Variants in EYA4 observed in about 807,000 individuals in gnomAD.
EYA4 encodes the protein EYA transcriptional coactivator and phosphatase 4.
EYA4 carries 31 observed loss-of-function variants against 87.9 expected under a neutral mutation model. The ratio of observed to expected loss-of-function variants is 0.35; its 90% confidence interval spans 0.27 to 0.48. The LOEUF is 0.48. Ranked by LOEUF, EYA4 falls within the 20% of genes least tolerant of loss-of-function variation. The pLI is 0.99. For synonymous variants in EYA4, 263 were observed against 270.6 expected, an observed-to-expected ratio of 0.97 and a Z score of 0.28; for missense variants, 678 against 761.4, an observed-to-expected ratio of 0.89 and a Z score of 1.29.
chr6:133,492,479 A>G (rs559988852), intron 13 of EYA4, among the ~76,000 whole-genome samples: 4 of 152,336 alleles, frequency 2.6e-5, no homozygotes, highest in Non-Finnish European at 5.9e-5. Flanking sequence ...GCCATATATG[A>G]CAGACCTGCA....
chr6:133,507,881 A>G (rs1798785555), intron 14 of EYA4, among the ~76,000 whole-genome samples: 1 of 152,184 alleles, frequency 6.6e-6, no homozygotes, highest in Non-Finnish European at 1.5e-5. Context: ...TCCTTTGGGT[A>G]TATACCCAGT....
intron 2 of EYA4, among the ~76,000 whole-genome samples, chr6:133,300,233 G>C (rs1463446800): frequency 6.6e-6 from 1 of 151,736 alleles, no homozygotes; most frequent in Non-Finnish European, 1.5e-5. Context: ...AAAGAGGAGG[G>C]GTTGGTCTTG....
chr6:133,343,154 T>C (rs907253484), intron 2 of EYA4, among the ~76,000 whole-genome samples: 1 of 152,174 alleles, frequency 6.6e-6, no homozygotes, highest in African/African-American at 2.4e-5. Context: ...GGTGGGTTTC[T>C]TTACAGAAAA....
chr6:133,391,211 G>GTTTTGTTTTTGT (rs762081674), intron 3 of EYA4, among the ~76,000 whole-genome samples: 6 of 52,808 alleles, frequency 1.1e-4, no homozygotes, highest in African/African-American at 2.2e-4. Context: ...TATTTTTTGG[G>GTTTTGTTTTTGT]TTTTGTTTTT....
At chr6:133,314,037 A>G (rs750295967) in intron 2 of EYA4, among the ~76,000 whole-genome samples, 1 of 152,156 alleles carries the variant, frequency 6.6e-6, no homozygotes. Flanking sequence ...AAAAAATCTT[A>G]TTTTAAGTTG....
chr6:133,523,020 T>C (rs766604286), intron 17 of EYA4, 36 bp from the exon 18 acceptor site: 1 of 1,567,096 alleles, frequency 6.4e-7, no homozygotes, highest in Admixed American at 1.7e-5. Flanking sequence ...TATTTAGTAT[T>C]AGAAAACAAA....
intron 10 of EYA4, among the ~76,000 whole-genome samples, chr6:133,467,971 A>C (rs1794994406): frequency 6.6e-6 from 1 of 152,072 alleles, no homozygotes; most frequent in Non-Finnish European, 1.5e-5. Context: ...AGTTCACTAA[A>C]GACTTTAAAT....
intron 17 of EYA4, among the ~76,000 whole-genome samples, chr6:133,517,311 A>G (rs1298661998): frequency 2.1e-5 from 3 of 144,300 alleles, no homozygotes; most frequent in Admixed American, 6.7e-5. Flanking sequence ...AATCTGTACA[A>G]CAACCCCCCA....
chr6:133,404,262 C>G (rs748797370), intron 3 of EYA4, among the ~76,000 whole-genome samples: 2 of 152,178 alleles, frequency 1.3e-5, no homozygotes, highest in Non-Finnish European at 1.5e-5. Flanking sequence ...CATCTCTTTT[C>G]TAATGTGGAT....
intron 1 of EYA4, among the ~76,000 whole-genome samples, chr6:133,251,877 G>A (rs1011472403): frequency 1.3e-5 from 2 of 152,198 alleles, no homozygotes; most frequent in African/African-American, 2.4e-5. Context: ...TTCCAGTCAA[G>A]TGTGGAGAAT....
intron 13 of EYA4, among the ~76,000 whole-genome samples, chr6:133,500,433 T>C (rs1464165711): frequency 6.6e-6 from 1 of 152,078 alleles, no homozygotes; most frequent in African/African-American, 2.4e-5. Flanking sequence ...CCCCACTGAC[T>C]GCCTGTACCT....
At chr6:133,290,517 A>C (rs1054506158) in intron 2 of EYA4, among the ~76,000 whole-genome samples, 2 of 152,308 alleles carry the variant, frequency 1.3e-5, no homozygotes, top group South Asian at 4.1e-4. Flanking sequence ...TGAAGAAAAA[A>C]GGGGAGGAGT....
At chr6:133,392,189 G>A (rs1350254365) in intron 3 of EYA4, among the ~76,000 whole-genome samples, 2 of 152,038 alleles carry the variant, frequency 1.3e-5, no homozygotes, top group African/African-American at 4.8e-5. Context: ...CCTATTCAAG[G>A]GACCCAGTCT....
chr6:133,498,951 A>T (rs924163823), intron 13 of EYA4, among the ~76,000 whole-genome samples: 2 of 152,238 alleles, frequency 1.3e-5, no homozygotes, highest in African/African-American at 4.8e-5. Context: ...CTTTTATTTA[A>T]GCCCATCTTT....
In EYA4 at chr6:133,523,041, TCCTC is replaced by T. The variant is rs746142970; in HGVS notation, c.1617-11_1617-8del. 6 of 1,602,764 alleles carry T rather than the reference TCCTC, an allele frequency of 3.7e-6. No homozygotes were observed. In the South Asian group the frequency reaches 6.6e-5, roughly 18 times the overall value. ...GTATTAGAAAACAAACATGTATATT[TCCTC>T]CCTATTTTAGGAGTAACTGCATAAA... is the stretch of plus-strand genomic sequence containing the variant. On this transcript the variant is annotated splice_polypyrimidine_tract_variant and intron_variant, in intron 17 of 19. Transcript: ENST00000355286.
intron 5 of EYA4, among the ~76,000 whole-genome samples, chr6:133,454,926 C>A (rs933342142): frequency 6.6e-6 from 1 of 152,084 alleles, no homozygotes; most frequent in Non-Finnish European, 1.5e-5. Context: ...ATCCTGCATA[C>A]TAGAGCTAAA....
intron 1 of EYA4, among the ~76,000 whole-genome samples, chr6:133,262,104 G>A (rs1453584605): frequency 6.6e-6 from 1 of 152,096 alleles, no homozygotes; most frequent in East Asian, 1.9e-4. Context: ...CTAAACTTGG[G>A]AGATCTATTC....
At chr6:133,427,418 G>A (rs1228075419) in intron 3 of EYA4, among the ~76,000 whole-genome samples, 1 of 152,122 alleles carries the variant, frequency 6.6e-6, no homozygotes, top group Non-Finnish European at 1.5e-5. Flanking sequence ...TACAGAAGTG[G>A]ATAAATGGAG....
chr6:133,397,108 A>G (rs1787872590), intron 3 of EYA4, among the ~76,000 whole-genome samples: 1 of 152,242 alleles, frequency 6.6e-6, no homozygotes, highest in South Asian at 2.1e-4. Flanking sequence ...ATTCTCTTCT[A>G]TAGCTTCTGA....
Sources: allele counts gnomAD v4.1 joint callset (sites outside exome capture counted in the v4.1 genomes callset), GRCh38; gene constraint gnomAD v4.1.1; transcripts MANE v1.5; gene names NCBI Gene and HGNC (gene_info 2026-07-23, HGNC 2026-07-21).